Variants in JARID2 observed in about 807,000 individuals in gnomAD.
The protein encoded by JARID2 is protein Jumonji.
A neutral mutation model predicts 125.6 loss-of-function variants in JARID2; 21 were observed. That is an observed-to-expected ratio of 0.17 (90% confidence interval 0.12 to 0.24). The LOEUF (loss-of-function observed/expected upper bound fraction) is 0.24, where lower values mean the gene tolerates loss of function less well. Among genes scored for constraint, JARID2 ranks in the 10% least tolerant of loss-of-function variants. JARID2 has a pLI of 1.00. For missense variants in JARID2, 1,303 were observed against 1,639.6 expected (o/e 0.79, Z 3.55); for synonymous variants, 736 against 661.6 (o/e 1.11, Z -1.73).
intron 7 of JARID2, among the ~76,000 whole-genome samples, chr6:15,497,732 C>A (rs1467263934): frequency 6.6e-6 from 1 of 151,832 alleles, no homozygotes; most frequent in African/African-American, 2.4e-5. Flanking sequence ...CCTGGGCTGT[C>A]ACCTCCTACC....
intron 2 of JARID2, among the ~76,000 whole-genome samples, chr6:15,397,632 C>T (rs547800483): frequency 1.0e-3 from 157 of 152,264 alleles, no homozygotes; most frequent in African/African-American, 3.6e-3. Context: ...TCCTTGGTCT[C>T]TCTTGTGACA....
chr6:15,283,870 T>C (rs1249877527), intron 1 of JARID2, among the ~76,000 whole-genome samples: 2 of 151,896 alleles, frequency 1.3e-5, no homozygotes, highest in African/African-American at 2.4e-5. Context: ...CATGCCCGGC[T>C]AATTTTTTTT....
At chr6:15,498,137 T>C (rs1001117174) in intron 7 of JARID2, among the ~76,000 whole-genome samples, 7 of 152,224 alleles carry the variant, frequency 4.6e-5, no homozygotes, top group African/African-American at 1.4e-4. Context: ...TCTAGGGTCC[T>C]GTAGGCCATT....
At chr6:15,355,548 G>T (rs528706059) in intron 1 of JARID2, among the ~76,000 whole-genome samples, 2 of 151,576 alleles carry the variant, frequency 1.3e-5, no homozygotes, top group East Asian at 3.9e-4. Context: ...ATTCACTGTT[G>T]TAACCATTGT....
chr6:15,410,832 AG>A (rs1561843932), intron 3 of JARID2, among the ~76,000 whole-genome samples: 1 of 152,222 alleles, frequency 6.6e-6, no homozygotes, highest in Non-Finnish European at 1.5e-5. Context: ...TGTTTTACCA[AG>A]TTCCAAGTTA....
At chr6:15,397,190 A>T (rs976525946) in intron 2 of JARID2, among the ~76,000 whole-genome samples, 1 of 152,108 alleles carries the variant, frequency 6.6e-6, no homozygotes. Context: ...CACTTTAATG[A>T]TGTTTTTGAA....
chr6:15,428,488 T>C (rs1766827590), intron 3 of JARID2, among the ~76,000 whole-genome samples: 1 of 152,154 alleles, frequency 6.6e-6, no homozygotes, highest in Admixed American at 6.5e-5. Context: ...TTCTCATTGT[T>C]CAATTCCCAC....
chr6:15,327,298 C>T (rs565837024), intron 1 of JARID2, among the ~76,000 whole-genome samples: 3 of 152,152 alleles, frequency 2.0e-5, no homozygotes, highest in African/African-American at 7.2e-5. Context: ...GGTTGGAGTG[C>T]AGTGGTGCTA....
At chr6:15,371,975 T>G (rs1024334232) in intron 1 of JARID2, among the ~76,000 whole-genome samples, 1 of 152,222 alleles carries the variant, frequency 6.6e-6, no homozygotes, top group Non-Finnish European at 1.5e-5. Flanking sequence ...GAAATCCTAG[T>G]TCTCTCAGGA....
intron 13 of JARID2, among the ~76,000 whole-genome samples, chr6:15,511,721 C>A (rs77516586): frequency 1.3e-5 from 2 of 152,184 alleles, no homozygotes; most frequent in Admixed American, 6.5e-5. Context: ...GGCTTCTTCA[C>A]CTGTTTTCAG....
At chr6:15,460,729 C>T (rs1238760245) in intron 4 of JARID2, among the ~76,000 whole-genome samples, 1 of 152,180 alleles carries the variant, frequency 6.6e-6, no homozygotes, top group Non-Finnish European at 1.5e-5. Context: ...GAGACGAAGT[C>T]TCCCACCCTG....
At chr6:15,279,894 C>T (rs1672176307) in intron 1 of JARID2, among the ~76,000 whole-genome samples, 1 of 152,134 alleles carries the variant, frequency 6.6e-6, no homozygotes. Context: ...TGGTTGTTAT[C>T]CTAATTTTGC....
chr6:15,468,179 T>C (rs1391260512), intron 4 of JARID2, among the ~76,000 whole-genome samples: 2 of 151,546 alleles, frequency 1.3e-5, no homozygotes, highest in African/African-American at 2.4e-5. Context: ...CTTTTTTTTT[T>C]TTTTTTTAAG....
At position 15,427,310 on chromosome 6, in the gene JARID2, G is replaced by C. The variant is rs145866306; in HGVS notation, c.323+16945G>C. On this transcript the variant is annotated intron_variant, in intron 3 of 17. Coordinates refer to ENST00000341776, the MANE Select transcript of JARID2 (RefSeq NM_004973.4). The stretch of plus-strand genomic sequence containing the variant: ...TTAGATGTTGGCGAACACTTGTTGG[G>C]ACTTCATATTCACCCCCATTATTTG... Among the ~76,000 whole-genome samples, 602 of 152,258 alleles carry C rather than the reference G, an allele frequency of 4.0e-3. 4 individuals are homozygous for C. The highest frequency in any genetic ancestry group is 0.024 in the Middle Eastern group (7 of 294).
chr6:15,487,840 G>A (rs1235290441), intron 6 of JARID2, among the ~76,000 whole-genome samples: 3 of 145,234 alleles, frequency 2.1e-5, no homozygotes, highest in Non-Finnish European at 4.5e-5. Flanking sequence ...CCAGATGAGC[G>A]GTAGAGTGGC....
Position 15,246,601 on chromosome 6 carries a change from A to G in JARID2, c.45+17A>G, listed in dbSNP as rs1219549701. The G allele has an allele frequency of 5.6e-6, 9 of 1,603,386 alleles. No individual in the cohort carries two copies. The highest frequency in any genetic ancestry group is 6.8e-6 in the Non-Finnish European group (8 of 1,170,540). Reference sequence around the variant, plus strand: ...AAGAAATACGTAAGTGCTCCTAACAACACATCCTTTGACTTGCAGTTTTAA... The same window carrying G: ...AAGAAATACGTAAGTGCTCCTAACAGCACATCCTTTGACTTGCAGTTTTAA... On this transcript the variant is annotated intron_variant, in intron 1 of 17. Coordinates refer to ENST00000341776, the MANE Select transcript of JARID2 (RefSeq NM_004973.4).
chr6:15,294,766 A>G (rs1761347265), intron 1 of JARID2, among the ~76,000 whole-genome samples: 1 of 152,158 alleles, frequency 6.6e-6, no homozygotes, highest in South Asian at 2.1e-4. Context: ...GGTGGCGCGT[A>G]TCCCTGATGT....
rs150658439 is a variant in JARID2, at chr6:15,390,111, C to G, written c.181+15859C>G. ...CCCTGCCTCCTGCCCTTCCCTGTTTCAGAGAACAAGTTTCCACAGTAAGGA... is the reference window on the plus strand; with the variant it reads ...CCCTGCCTCCTGCCCTTCCCTGTTTGAGAGAACAAGTTTCCACAGTAAGGA... On this transcript the variant is annotated intron_variant, in intron 2 of 17. Transcript: ENST00000341776. Among the ~76,000 whole-genome samples the G allele has an allele frequency of 4.4e-3, 675 of 152,270 alleles. 4 individuals are homozygous for G. Among genetic ancestry groups the G allele is most frequent in the Middle Eastern group, 0.014 (4 of 294 alleles).
At chr6:15,504,888 AC>A in intron 9 of JARID2, among the ~76,000 whole-genome samples, 1 of 152,146 alleles carries the variant, frequency 6.6e-6, no homozygotes, top group African/African-American at 2.4e-5. Context: ...CTGCTTGCTC[AC>A]CCGGCTGTTT....
Sources: gnomAD v4.1 joint callset for allele counts (sites outside exome capture counted in the v4.1 genomes callset) on GRCh38, gnomAD v4.1.1 for gene constraint, MANE v1.5 for transcripts, NCBI Gene and HGNC (gene_info 2026-07-23, HGNC 2026-07-21) for gene names.